The following RCAN2 variants were observed in gnomAD, a reference collection of about 807,000 sequenced individuals.
RCAN2 encodes the protein calcipressin-2.
A neutral mutation model predicts 23.6 loss-of-function variants in RCAN2; 9 were observed. The observed-to-expected ratio is 0.38, with a 90% CI of 0.23 to 0.67. The LOEUF (loss-of-function observed/expected upper bound fraction) is 0.67. RCAN2 is among the 30% of genes least tolerant of loss of function. The probability of loss-of-function intolerance (pLI) is 0.51; values close to 1 mark genes in which losing one functional copy is unlikely to be tolerated. For missense variants in RCAN2, 273 were observed against 302.3 expected (o/e 0.90, Z 0.72); for synonymous variants, 109 against 115.7 (o/e 0.94, Z 0.37).
rs576193938 is a variant in RCAN2, at chr6:46,383,964, C to T, written c.225+72788G>A. Among the ~76,000 whole-genome samples, 8 of 152,154 alleles carry T rather than the reference C, an allele frequency of 5.3e-5. 1 individual carries two copies. The highest frequency in any genetic ancestry group is 2.1e-4 in the South Asian group (1 of 4,822). On this transcript the variant is annotated intron_variant, in intron 2 of 4. Coordinates refer to ENST00000371374, the MANE Select transcript of RCAN2 (RefSeq NM_001251974.2). Reference sequence around the variant, plus strand: ...TTACTGACTCCTGCTGCTGCTTCCCCGCCTCTCTGGACAGTGGATACAATA... The same window carrying T: ...TTACTGACTCCTGCTGCTGCTTCCCTGCCTCTCTGGACAGTGGATACAATA...
chr6:46,393,379 T>C (rs186782881), intron 2 of RCAN2, among the ~76,000 whole-genome samples: 2 of 152,262 alleles, frequency 1.3e-5, no homozygotes, highest in Non-Finnish European at 2.9e-5. Flanking sequence ...AAGAGTTCAC[T>C]GAGATAATAC....
chr6:46,334,613 G>C (rs1260146683), intron 2 of RCAN2, among the ~76,000 whole-genome samples: 3 of 152,186 alleles, frequency 2.0e-5, no homozygotes, highest in Non-Finnish European at 4.4e-5. Context: ...ATGAAAACAG[G>C]AAGAGGGGCA....
In RCAN2 at chr6:46,340,991, G is replaced by A. The variant is rs558058980; in HGVS notation, c.226-92095C>T. The stretch of plus-strand genomic sequence containing the variant: ...ATGTGTCAAGACAGAGACCAAGGGA[G>A]AAAACTGAGCTTAAGAAATGAGCAT... On this transcript the variant is annotated intron_variant, in intron 2 of 4. Transcript: ENST00000371374. Among the ~76,000 whole-genome samples the A allele has an allele frequency of 2.2e-3, 329 of 152,218 alleles. 3 individuals carry two copies. Among genetic ancestry groups the A allele is most frequent in the Non-Finnish European group, 4.6e-4 (31 of 68,020 alleles).
At chr6:46,452,482 AG>A (rs1460049294) in intron 2 of RCAN2, among the ~76,000 whole-genome samples, 1 of 152,242 alleles carries the variant, frequency 6.6e-6, no homozygotes, top group Admixed American at 6.5e-5. Flanking sequence ...TGCCTAAGCC[AG>A]CACTACTTGG....
chr6:46,387,866 A>T lies in RCAN2; in HGVS notation c.225+68886T>A, dbSNP rs190585552. The stretch of plus-strand genomic sequence containing the variant: ...TTGGAACCAACCCAAATGTCCATCA[A>T]TGATAGACTGGATTAAGAAAATGTG... On this transcript the variant is annotated intron_variant, in intron 2 of 4. Transcript: ENST00000371374. 1.5e-3 allele frequency among the ~76,000 whole-genome samples: 225 copies of T among 152,340 alleles called. 1 individual carries two copies. Among genetic ancestry groups the T allele is most frequent in the African/African-American group, 5.1e-3 (211 of 41,572 alleles).
intron 2 of RCAN2, among the ~76,000 whole-genome samples, chr6:46,274,664 C>T (rs1767631730): frequency 1.3e-5 from 2 of 152,170 alleles, no homozygotes; most frequent in Non-Finnish European, 1.5e-5. Flanking sequence ...ACCAGGAAAG[C>T]AGCCAGCCTC....
At chr6:46,325,269 G>T in intron 2 of RCAN2, 1 of 981,246 alleles carries the variant, frequency 1.0e-6, no homozygotes, top group African/African-American at 1.6e-5. Context: ...CTCACTACAT[G>T]CATTTCTAGC....
chr6:46,440,325 A>G (rs771893770), intron 2 of RCAN2, among the ~76,000 whole-genome samples: 13 of 152,082 alleles, frequency 8.5e-5, no homozygotes, highest in Non-Finnish European at 1.3e-4. Context: ...GTCAATTGTG[A>G]TTGCCAAGTT....
intron 2 of RCAN2, among the ~76,000 whole-genome samples, chr6:46,453,752 GGTTTAA>G (rs1434362509): frequency 1.3e-5 from 2 of 152,056 alleles, no homozygotes; most frequent in African/African-American, 4.8e-5. Context: ...GAAAGCAAAA[GGTTTAA>G]TTCCTACCCA....
rs576223916 is a variant in RCAN2 at position 46,391,512 on chromosome 6, G to A, written c.225+65240C>T. 3.9e-4 allele frequency among the ~76,000 whole-genome samples: 59 copies of A among 152,238 alleles called. 1 individual carries two copies. The highest frequency in any genetic ancestry group is 3.7e-3 in the Admixed American group (56 of 15,284). ...TAGGGCAAGAGCCTGTTCTCAGGAC[G>A]CTGACATGGGGAGCAAAGTACACTG... On this transcript the variant is annotated intron_variant, in intron 2 of 4. Coordinates refer to ENST00000371374, the MANE Select transcript of RCAN2 (RefSeq NM_001251974.2).
At chr6:46,251,715 T>G (rs985859329) in intron 2 of RCAN2, among the ~76,000 whole-genome samples, 1 of 152,204 alleles carries the variant, frequency 6.6e-6, no homozygotes, top group Admixed American at 6.5e-5. Context: ...CTCCAGGTTT[T>G]AGGCTTAGAG....
intron 2 of RCAN2, among the ~76,000 whole-genome samples, chr6:46,454,436 CTTG>C (rs1420754998): frequency 6.6e-6 from 1 of 152,024 alleles, no homozygotes; most frequent in Non-Finnish European, 1.5e-5. Context: ...ATCTGATTAT[CTTG>C]TTTTGTCACC....
At chr6:46,244,451 C>T (rs957994672) in intron 4 of RCAN2, among the ~76,000 whole-genome samples, 1 of 152,222 alleles carries the variant, frequency 6.6e-6, no homozygotes, top group Non-Finnish European at 1.5e-5. Flanking sequence ...AGCCTGGACT[C>T]AGCTGGGTCA....
At chr6:46,241,766 T>G (rs754448003) in intron 4 of RCAN2, among the ~76,000 whole-genome samples, 5 of 152,226 alleles carry the variant, frequency 3.3e-5, no homozygotes, top group Admixed American at 6.5e-5. Flanking sequence ...TTAACCACTC[T>G]GTGCCTCACA....
rs550656710 is a variant in RCAN2 at position 46,352,010 on chromosome 6, T to C, written c.226-103114A>G. Among the ~76,000 whole-genome samples the C allele has an allele frequency of 3.3e-5, 5 of 152,296 alleles. No homozygotes were observed. The East Asian group carries it at 9.7e-4, about 29-fold the overall frequency. ...TCAAAGACACGCACCTTTAAAATAA[T>C]GTAACCTGTCTAAGAATATAGTTTG... On this transcript the variant is annotated intron_variant, in intron 2 of 4. Coordinates refer to ENST00000371374, the MANE Select transcript of RCAN2 (RefSeq NM_001251974.2).
At chr6:46,230,141 T>C (rs1446676519) in intron 4 of RCAN2, among the ~76,000 whole-genome samples, 1 of 152,192 alleles carries the variant, frequency 6.6e-6, no homozygotes. Context: ...CTCTGGAAGC[T>C]TCGTCTCAGA....
At chr6:46,392,391 T>C (rs1485894917) in intron 2 of RCAN2, among the ~76,000 whole-genome samples, 1 of 152,244 alleles carries the variant, frequency 6.6e-6, no homozygotes, top group African/African-American at 2.4e-5. Flanking sequence ...TTAGCCTTAC[T>C]GAAGCTGTTA....
Position 46,443,065 on chromosome 6 carries a change from T to G in RCAN2, c.225+13687A>C, listed in dbSNP as rs6907686. On this transcript the variant is annotated intron_variant, in intron 2 of 4. Coordinates refer to ENST00000371374, the MANE Select transcript of RCAN2 (RefSeq NM_001251974.2). ...AACAGATTTAACCTCCAGAGTACAA[T>G]GATATGCCCTTTTAATAATTTAAAT... Among the ~76,000 whole-genome samples, 25 of 152,288 alleles carry G rather than the reference T, an allele frequency of 1.6e-4. No homozygotes were observed. In the East Asian group the frequency reaches 4.6e-3, roughly 28 times the overall value.
At chr6:46,239,920 G>T (rs1766242595) in intron 4 of RCAN2, among the ~76,000 whole-genome samples, 1 of 152,152 alleles carries the variant, frequency 6.6e-6, no homozygotes, top group Non-Finnish European at 1.5e-5. Context: ...TGAATTAATG[G>T]TTGAGAAAAA....
Sources: allele counts gnomAD v4.1 joint callset (sites outside exome capture counted in the v4.1 genomes callset), GRCh38; gene constraint gnomAD v4.1.1; transcripts MANE v1.5; gene names NCBI Gene and HGNC (gene_info 2026-07-23, HGNC 2026-07-21).